The following KLF12 variants were observed in gnomAD, a reference collection of about 807,000 sequenced individuals.
The protein encoded by KLF12 is Krueppel-like factor 12.
In KLF12, 9 loss-of-function variants were observed where a neutral mutation model predicts 37.8. The observed-to-expected ratio is 0.24, with a 90% CI of 0.14 to 0.42. KLF12 has a LOEUF of 0.42. KLF12 is among the 10% of genes least tolerant of loss of function. The pLI, the probability that KLF12 is intolerant of heterozygous loss-of-function variation, is 1.00. For synonymous variants in KLF12, 208 were observed against 202.1 expected (o/e 1.03, Z -0.25); for missense variants, 411 against 516.0 (o/e 0.80, Z 1.97).
intron 1 of KLF12, among the ~76,000 whole-genome samples, chr13:74,060,299 CTT>C (rs1873495414): frequency 6.6e-6 from 1 of 151,744 alleles, no homozygotes; most frequent in South Asian, 2.1e-4. Flanking sequence ...TGAAGAATAA[CTT>C]TGGTATTTTC....
the KLF12 span, among the ~76,000 whole-genome samples, chr13:74,227,744 A>G: frequency 6.6e-6 from 1 of 152,142 alleles, no homozygotes; most frequent in Non-Finnish European, 1.5e-5. Flanking sequence ...CATAGAGTTT[A>G]TTGTGATAAC....
intron 4 of KLF12, among the ~76,000 whole-genome samples, chr13:73,836,215 G>A (rs1056458759): frequency 2.0e-5 from 3 of 152,074 alleles, no homozygotes; most frequent in African/African-American, 4.8e-5. Context: ...ATATCAATTA[G>A]TTGTTTTCTA....
At position 73,691,361 on chromosome 13, in the gene KLF12, G is replaced by GA. The variant is rs897272544; in HGVS notation, c.*4128dup. The stretch of plus-strand genomic sequence containing the variant: ...ATGCACTACCTCAGAAAAACTAAAG[G>GA]AAGAGATTTGGTCAATGATGTTTTA... On this transcript the variant is annotated 3_prime_UTR_variant, in exon 8 of 8. Coordinates refer to ENST00000377669, the MANE Select transcript of KLF12 (RefSeq NM_007249.5). 6.6e-6 allele frequency: 1 copy of GA among 152,566 alleles called. No individual in the cohort carries two copies. The highest frequency in any genetic ancestry group is 1.5e-5 in the Non-Finnish European group (1 of 68,024). The allele number at this position is 152,566 out of a possible 1,614,324, so 9.5% of individuals were successfully genotyped here.
chr13:73,833,226 GAATA>G (rs1289371103), intron 4 of KLF12, among the ~76,000 whole-genome samples: 1 of 152,088 alleles, frequency 6.6e-6, no homozygotes, highest in East Asian at 1.9e-4. Context: ...GAGAGTAAAA[GAATA>G]AATAAGAACT....
chr13:74,001,738 T>A (rs1334739734), intron 1 of KLF12, among the ~76,000 whole-genome samples: 1 of 152,246 alleles, frequency 6.6e-6, no homozygotes, highest in Non-Finnish European at 1.5e-5. Context: ...CACTTTTGAA[T>A]TAATTCATGT....
intron 1 of KLF12, among the ~76,000 whole-genome samples, chr13:74,046,222 C>CTACGT (rs1893539375): frequency 6.6e-6 from 1 of 152,078 alleles, no homozygotes; most frequent in South Asian, 2.1e-4. Flanking sequence ...CCATACCAAC[C>CTACGT]TACGATATTA....
the KLF12 span, among the ~76,000 whole-genome samples, chr13:74,220,166 TC>T: frequency 6.6e-6 from 1 of 152,202 alleles, no homozygotes; most frequent in Non-Finnish European, 1.5e-5. Context: ...AGCAATGGTT[TC>T]TTTAATTATG....
intron 3 of KLF12, among the ~76,000 whole-genome samples, chr13:73,935,156 T>G (rs1049518835): frequency 1.4e-4 from 22 of 151,830 alleles, no homozygotes; most frequent in African/African-American, 5.3e-4. Flanking sequence ...ATTTTTGTAT[T>G]TTTTTATTTT....
intron 1 of KLF12, among the ~76,000 whole-genome samples, chr13:74,037,729 G>C (rs1009540414): frequency 6.6e-6 from 1 of 152,160 alleles, no homozygotes; most frequent in Non-Finnish European, 1.5e-5. Context: ...CTCTAGGAAA[G>C]CCAACTTTAA....
intron 1 of KLF12, among the ~76,000 whole-genome samples, chr13:74,077,353 T>C (rs1471786689): frequency 3.3e-5 from 5 of 152,214 alleles, no homozygotes; most frequent in Non-Finnish European, 7.4e-5. Context: ...AAATCTCACT[T>C]CTTTTTCATG....
In KLF12 at chr13:73,988,908, A is replaced by C. The variant is rs189558629; in HGVS notation, c.33+6082T>G. On this transcript the variant is annotated intron_variant, in intron 2 of 7. Transcript: ENST00000377669. ...AATTTTTTTCTCATTTAACCTTCAC[A>C]ATAATTTTATGGAGTAGGAACTATT... Among the ~76,000 whole-genome samples the C allele has an allele frequency of 1.8e-3, 267 of 152,312 alleles. 1 individual carries two copies. Among genetic ancestry groups the C allele is most frequent in the African/African-American group, 6.0e-3 (250 of 41,566 alleles).
chr13:74,111,532 G>A (rs1303550311), intron 1 of KLF12, among the ~76,000 whole-genome samples: 1 of 152,100 alleles, frequency 6.6e-6, no homozygotes, highest in Non-Finnish European at 1.5e-5. Context: ...AAATTCTAAA[G>A]CTACAAGCAT....
At chr13:73,824,503 T>A (rs1235846344) in intron 4 of KLF12, among the ~76,000 whole-genome samples, 1 of 152,198 alleles carries the variant, frequency 6.6e-6, no homozygotes, top group Non-Finnish European at 1.5e-5. Flanking sequence ...TTCCTCAGGA[T>A]TGTCCCATCC....
At chr13:73,712,539 T>C (rs1033987075) in intron 7 of KLF12, among the ~76,000 whole-genome samples, 5 of 152,176 alleles carry the variant, frequency 3.3e-5, no homozygotes, top group Admixed American at 6.5e-5. Context: ...GAAGATTTTA[T>C]AAACTTAGTT....
At chr13:73,956,796 T>A (rs1890848453) in intron 2 of KLF12, among the ~76,000 whole-genome samples, 1 of 151,846 alleles carries the variant, frequency 6.6e-6, no homozygotes, top group Non-Finnish European at 1.5e-5. Context: ...GTCATGGTGG[T>A]GTGCACCTAT....
chr13:74,218,813 G>A, the KLF12 span, among the ~76,000 whole-genome samples: 2 of 152,010 alleles, frequency 1.3e-5, no homozygotes, highest in African/African-American at 4.8e-5. Flanking sequence ...CTTCTTAAAA[G>A]CTTTTGTTTT....
the KLF12 span, among the ~76,000 whole-genome samples, chr13:74,285,180 A>ATTT: frequency 1.5e-4 from 22 of 144,940 alleles, no homozygotes; most frequent in African/African-American, 5.3e-4. Flanking sequence ...GCCCTACCTG[A>ATTT]TTTTTTTTTT....
intron 6 of KLF12, among the ~76,000 whole-genome samples, chr13:73,738,705 T>C (rs1342682046): frequency 6.6e-6 from 1 of 152,156 alleles, no homozygotes; most frequent in Non-Finnish European, 1.5e-5. Context: ...AAAGGCTGTG[T>C]AGGTGAAATG....
chr13:74,221,271 G>T, the KLF12 span, among the ~76,000 whole-genome samples: 1 of 152,172 alleles, frequency 6.6e-6, no homozygotes, highest in Non-Finnish European at 1.5e-5. Context: ...CTCCCAAAGT[G>T]CTGGGATTAC....
Sources: allele counts gnomAD v4.1 joint callset (sites outside exome capture counted in the v4.1 genomes callset), GRCh38; gene constraint gnomAD v4.1.1; transcripts MANE v1.5; gene names NCBI Gene and HGNC (gene_info 2026-07-23, HGNC 2026-07-21).